Variants in SCLT1 observed in about 807,000 individuals in gnomAD.
SCLT1 encodes sodium channel and clathrin linker 1.
SCLT1 carries 78 observed loss-of-function variants against 112.8 expected under a neutral mutation model. The ratio of observed to expected loss-of-function variants is 0.69; its 90% CI spans 0.58 to 0.83. The LOEUF is 0.83. Among genes scored for constraint, SCLT1 ranks in the 40% least tolerant of loss-of-function variants. SCLT1 has a pLI of 0.00. For missense variants in SCLT1, 747 were observed against 770.4 expected (o/e 0.97, Z 0.36); for synonymous variants, 257 against 254.7 (o/e 1.01, Z -0.09).
At chr4:129,065,812 T>A (rs1305778451) in intron 2 of SCLT1, among the ~76,000 whole-genome samples, 1 of 152,160 alleles carries the variant, frequency 6.6e-6, no homozygotes, top group Non-Finnish European at 1.5e-5. Flanking sequence ...GTGTGAATTC[T>A]AAATTAGCAA....
chr4:129,014,974 T>A (rs943743003), intron 5 of SCLT1, among the ~76,000 whole-genome samples: 5 of 151,888 alleles, frequency 3.3e-5, no homozygotes, highest in Admixed American at 6.6e-5. Context: ...GGGGCACTGG[T>A]AGGCACAGGT....
At position 128,931,860 on chromosome 4, in the gene SCLT1, G is replaced by A. The variant is rs542551645; in HGVS notation, c.1829+4795C>T. On this transcript the variant is annotated intron_variant, in intron 18 of 20. Transcript: ENST00000281142. Reference sequence around the variant, plus strand: ...AAATTGTTATTCACTGCTGAGCTTTGAATCCTGTCTTCTGTAGCTTATTTC... The same window carrying A: ...AAATTGTTATTCACTGCTGAGCTTTAAATCCTGTCTTCTGTAGCTTATTTC... 4.6e-5 allele frequency among the ~76,000 whole-genome samples: 7 copies of A among 152,064 alleles called. No individual in the cohort carries two copies. In the South Asian group the frequency reaches 1.5e-3, roughly 32 times the overall value.
chr4:128,942,772 G>C (rs1737807819), intron 17 of SCLT1, among the ~76,000 whole-genome samples: 1 of 152,020 alleles, frequency 6.6e-6, no homozygotes, highest in African/African-American at 2.4e-5. Context: ...TTTCGTGGTT[G>C]GAAAAGAATT....
chr4:129,003,789 A>T lies in SCLT1; in HGVS notation c.378T>A (p.Asp126Glu). 6.2e-7 allele frequency: 1 copy of T among 1,611,762 alleles called. No individual in the cohort carries two copies. Among genetic ancestry groups the T allele is most frequent in the South Asian group, 1.1e-5 (1 of 90,628 alleles). Residue 126 changes from aspartate to glutamate, a missense_variant, in exon 6 of 21, where the codon GAT becomes GAA. By Grantham distance (45) the Asp-to-Glu change is conservative. Transcript: ENST00000281142. The stretch of plus-strand genomic sequence containing the variant: ...CTTGAAGGTTTCTGACTGTTTCATC[A>T]TCTGCATATATGTCAGTTCCTACCT... ...GTEVGTDIYA[D>E]DETVRNLQEQ...
At chr4:128,940,290 T>A (rs1737574721) in intron 17 of SCLT1, among the ~76,000 whole-genome samples, 1 of 151,366 alleles carries the variant, frequency 6.6e-6, no homozygotes, top group Non-Finnish European at 1.5e-5. Context: ...ATTGATTCCA[T>A]CCCCACCCAT....
chr4:128,997,266 C>A (rs1474480624), intron 8 of SCLT1: 1 of 151,706 alleles, frequency 6.6e-6, no homozygotes, highest in African/African-American at 2.4e-5. Context: ...CAAGAATTAG[C>A]AGAGTAACTA....
chr4:128,979,521 C>T (rs1741464865), intron 9 of SCLT1, among the ~76,000 whole-genome samples: 1 of 152,170 alleles, frequency 6.6e-6, no homozygotes, highest in African/African-American at 2.4e-5. Flanking sequence ...TTTTGAACTT[C>T]ACGGCCTCCA....
intron 18 of SCLT1, among the ~76,000 whole-genome samples, chr4:128,931,299 G>T (rs573258110): frequency 6.6e-6 from 1 of 152,236 alleles, no homozygotes; most frequent in Non-Finnish European, 1.5e-5. Flanking sequence ...AATAATCTCT[G>T]TGGGAATAGT....
At chr4:129,073,849 C>T (rs1478737122) in intron 2 of SCLT1, among the ~76,000 whole-genome samples, 3 of 152,128 alleles carry the variant, frequency 2.0e-5, no homozygotes, top group South Asian at 2.1e-4. Context: ...CTCCTATATG[C>T]CAAATACATT....
chr4:129,063,308 T>C (rs561052715), intron 2 of SCLT1, among the ~76,000 whole-genome samples: 1 of 152,362 alleles, frequency 6.6e-6, no homozygotes, highest in African/African-American at 2.4e-5. Flanking sequence ...ACAAACAGCT[T>C]CACCAAGCTT....
At chr4:128,942,886 T>C (rs1168536677) in intron 17 of SCLT1, 110 bp downstream of exon 17, 4 of 710,358 alleles carry the variant, frequency 5.6e-6, no homozygotes, top group South Asian at 1.9e-5. Flanking sequence ...TGCTATCTGA[T>C]GAGAAGGCAA....
intron 5 of SCLT1, among the ~76,000 whole-genome samples, chr4:129,021,093 C>T (rs1286402392): frequency 1.3e-5 from 2 of 152,150 alleles, no homozygotes; most frequent in African/African-American, 4.8e-5. Context: ...GTGGGTCCAA[C>T]CCATGGAGGA....
At chr4:128,898,585 T>C (rs1217123736) in intron 18 of SCLT1, among the ~76,000 whole-genome samples, 1 of 151,780 alleles carries the variant, frequency 6.6e-6, no homozygotes, top group Admixed American at 6.6e-5. Context: ...AGATCGAAAA[T>C]TGACACCCTA....
At chr4:128,969,976 C>T (rs757705841) in intron 10 of SCLT1, among the ~76,000 whole-genome samples, 57 of 152,132 alleles carry the variant, frequency 3.7e-4, no homozygotes, top group Non-Finnish European at 6.9e-4. Flanking sequence ...TCCTTGACAT[C>T]CTTCTGAAAT....
At chr4:128,899,761 T>A (rs1734110062) in intron 18 of SCLT1, among the ~76,000 whole-genome samples, 1 of 152,198 alleles carries the variant, frequency 6.6e-6, no homozygotes, top group South Asian at 2.1e-4. Context: ...GACATGATTG[T>A]ATATCTAGAA....
At chr4:129,032,096 G>C (rs907249957) in intron 5 of SCLT1, among the ~76,000 whole-genome samples, 7 of 152,110 alleles carry the variant, frequency 4.6e-5, no homozygotes, top group Non-Finnish European at 8.8e-5. Context: ...ATACTACAAG[G>C]CTACAGTAAC....
At chr4:129,060,425 C>A (rs1389876716) in intron 2 of SCLT1, among the ~76,000 whole-genome samples, 2 of 152,098 alleles carry the variant, frequency 1.3e-5, no homozygotes, top group African/African-American at 4.8e-5. Flanking sequence ...CTGCATTGAT[C>A]CATACACCTG....
At chr4:129,027,071 C>T (rs1003479510) in intron 5 of SCLT1, among the ~76,000 whole-genome samples, 15 of 152,220 alleles carry the variant, frequency 9.9e-5, no homozygotes, top group African/African-American at 3.6e-4. Context: ...AACTTACCAA[C>T]CAAAAAGAGT....
chr4:129,028,550 G>A (rs1339033631), intron 5 of SCLT1, among the ~76,000 whole-genome samples: 2 of 152,150 alleles, frequency 1.3e-5, no homozygotes, highest in Non-Finnish European at 2.9e-5. Context: ...AGACTTAAAT[G>A]TGAGACCTAA....
Sources: gnomAD v4.1 joint callset for allele counts (sites outside exome capture counted in the v4.1 genomes callset) on GRCh38, gnomAD v4.1.1 for gene constraint, MANE v1.5 for transcripts, NCBI Gene and HGNC (gene_info 2026-07-23, HGNC 2026-07-21) for gene names.